Variants in HS3ST2 observed in about 807,000 individuals in gnomAD.
HS3ST2 encodes the protein heparan sulfate glucosamine 3-O-sulfotransferase 2.
A neutral mutation model predicts 26.3 loss-of-function variants in HS3ST2; 17 were observed. The observed-to-expected ratio is 0.65, with a 90% CI of 0.44 to 0.97. The LOEUF (loss-of-function observed/expected upper bound fraction) is 0.97. HS3ST2 is among the 50% of genes least tolerant of loss of function. The probability of loss-of-function intolerance (pLI) is 0.00; values close to 1 mark genes in which losing one functional copy is unlikely to be tolerated. For missense variants in HS3ST2, 402 were observed against 501.2 expected, an observed-to-expected ratio of 0.80 and a Z score of 1.89; for synonymous variants, 237 against 219.2, an observed-to-expected ratio of 1.08 and a Z score of -0.72.
At chr16:22,831,304 T>C (rs1023288635) in intron 1 of HS3ST2, among the ~76,000 whole-genome samples, 2 of 152,236 alleles carry the variant, frequency 1.3e-5, no homozygotes, top group African/African-American at 4.8e-5. Flanking sequence ...TTGATGGAAC[T>C]ATATTATTTT....
intron 1 of HS3ST2, among the ~76,000 whole-genome samples, chr16:22,880,142 C>T (rs1343902372): frequency 6.6e-6 from 1 of 152,146 alleles, no homozygotes; most frequent in East Asian, 1.9e-4. Context: ...AGTGTGGGGG[C>T]CGGGAGTAGC....
intron 1 of HS3ST2, among the ~76,000 whole-genome samples, chr16:22,886,212 C>A (rs1053181939): frequency 4.1e-4 from 62 of 152,184 alleles, no homozygotes; most frequent in African/African-American, 1.5e-3. Flanking sequence ...AGTTTCCCTG[C>A]AAAACATAGC....
At chr16:22,837,684 T>C (rs1029629539) in intron 1 of HS3ST2, among the ~76,000 whole-genome samples, 1 of 151,266 alleles carries the variant, frequency 6.6e-6, no homozygotes, top group African/African-American at 2.4e-5. Flanking sequence ...AGTTTAAGCT[T>C]CAAATTAGGG....
intron 1 of HS3ST2, among the ~76,000 whole-genome samples, chr16:22,912,507 C>T (rs1441300732): frequency 6.6e-6 from 1 of 152,088 alleles, no homozygotes; most frequent in East Asian, 1.9e-4. Flanking sequence ...GAGTTCTTGG[C>T]TTTGCCCAGG....
At chr16:22,893,774 T>G (rs970304494) in intron 1 of HS3ST2, among the ~76,000 whole-genome samples, 6 of 151,426 alleles carry the variant, frequency 4.0e-5, no homozygotes, top group African/African-American at 1.5e-4. Context: ...TGAGAACACA[T>G]GGACACAGGG....
intron 1 of HS3ST2, among the ~76,000 whole-genome samples, chr16:22,832,171 A>ATTTTTTTTTTTTTTTTTTTT (rs1289839839): frequency 8.9e-6 from 1 of 112,156 alleles, no homozygotes; most frequent in African/African-American, 3.1e-5. Context: ...TTTTTTTTTA[A>ATTTTTTTTTTTTTTTTTTTT]TTTTTAGTGG....
intron 1 of HS3ST2, among the ~76,000 whole-genome samples, chr16:22,887,557 C>T (rs966568091): frequency 8.5e-5 from 13 of 152,186 alleles, no homozygotes; most frequent in African/African-American, 2.4e-4. Flanking sequence ...TTTGGGATGA[C>T]ACAAACACTC....
chr16:22,888,312 T>C (rs1476070965), intron 1 of HS3ST2, among the ~76,000 whole-genome samples: 2 of 152,158 alleles, frequency 1.3e-5, no homozygotes, highest in Non-Finnish European at 2.9e-5. Context: ...GCCCACCTTT[T>C]ACTAAGGCTG....
chr16:22,871,096 G>T (rs1291183534), intron 1 of HS3ST2, among the ~76,000 whole-genome samples: 1 of 152,150 alleles, frequency 6.6e-6, no homozygotes, highest in East Asian at 1.9e-4. Flanking sequence ...AGTGGCTCAT[G>T]CCTGTAATCC....
chr16:22,901,402 A>C (rs1043445684), intron 1 of HS3ST2, among the ~76,000 whole-genome samples: 11 of 152,332 alleles, frequency 7.2e-5, no homozygotes, highest in African/African-American at 2.6e-4. Context: ...CTAAAAATGC[A>C]TACTCTTAGC....
chr16:22,852,130 T>A (rs1901526927), intron 1 of HS3ST2, among the ~76,000 whole-genome samples: 1 of 152,172 alleles, frequency 6.6e-6, no homozygotes, highest in Non-Finnish European at 1.5e-5. Flanking sequence ...AGGAGAAGGA[T>A]GTTATGGGCA....
chr16:22,817,962 G>C (rs901414032), intron 1 of HS3ST2, among the ~76,000 whole-genome samples: 1 of 152,192 alleles, frequency 6.6e-6, no homozygotes, highest in African/African-American at 2.4e-5. Context: ...ACCATCATTT[G>C]GAGAGACCAG....
At chr16:22,872,132 C>T (rs768251311) in intron 1 of HS3ST2, among the ~76,000 whole-genome samples, 1 of 152,164 alleles carries the variant, frequency 6.6e-6, no homozygotes, top group Non-Finnish European at 1.5e-5. Flanking sequence ...TAAATCTGCT[C>T]TCTACACAGA....
intron 1 of HS3ST2, among the ~76,000 whole-genome samples, chr16:22,845,025 T>A (rs1257401718): frequency 1.3e-5 from 2 of 149,952 alleles, no homozygotes; most frequent in Non-Finnish European, 2.9e-5. Context: ...TGGCTAATTT[T>A]TTGTATTTTT....
Position 22,815,037 on chromosome 16 carries a change from T to G in HS3ST2, c.427T>G (p.Leu143Val). ...FIRVHPDVRALGTEPHFFDRN... is the reference protein window; with the variant it reads ...FIRVHPDVRAVGTEPHFFDRN... ...CCGAGTACACCCGGACGTGCGGGCC[T>G]TGGGCACGGAACCCCACTTCTTTGA... Residue 143 changes from leucine to valine, a missense_variant, in exon 1 of 2, where the codon TTG (leucine) becomes GTG (valine). By Grantham distance (32) the Leu-to-Val change is conservative. Coordinates refer to ENST00000261374, the MANE Select transcript of HS3ST2 (RefSeq NM_006043.2). The G allele has an allele frequency of 6.2e-7, 1 of 1,613,126 alleles. No homozygotes were observed. Among genetic ancestry groups the G allele is most frequent in the Non-Finnish European group, 8.5e-7 (1 of 1,180,014 alleles).
intron 1 of HS3ST2, among the ~76,000 whole-genome samples, chr16:22,864,721 C>A (rs547562386): frequency 6.6e-6 from 1 of 151,974 alleles, no homozygotes; most frequent in South Asian, 2.1e-4. Flanking sequence ...ACAAATACAT[C>A]CAAGTGCTGC....
intron 1 of HS3ST2, among the ~76,000 whole-genome samples, chr16:22,877,207 G>T (rs1256721894): frequency 6.6e-6 from 1 of 152,226 alleles, no homozygotes; most frequent in African/African-American, 2.4e-5. Flanking sequence ...ACAAGAGCCT[G>T]CTGGGTTAGA....
intron 1 of HS3ST2, among the ~76,000 whole-genome samples, chr16:22,816,846 A>G (rs1900878299): frequency 6.6e-6 from 1 of 152,210 alleles, no homozygotes; most frequent in African/African-American, 2.4e-5. Context: ...ACCTTTTGCC[A>G]ATGCGAAGTG....
chr16:22,859,145 G>A (rs964944997), intron 1 of HS3ST2, among the ~76,000 whole-genome samples: 2 of 152,182 alleles, frequency 1.3e-5, no homozygotes, highest in Non-Finnish European at 2.9e-5. Flanking sequence ...CAGCCTGGGT[G>A]ACAGGGCAAG....
Sources: allele counts gnomAD v4.1 joint callset (sites outside exome capture counted in the v4.1 genomes callset), GRCh38; gene constraint gnomAD v4.1.1; transcripts MANE v1.5; gene names NCBI Gene and HGNC (gene_info 2026-07-23, HGNC 2026-07-21).